INTS6: variants seen among roughly 807,000 people sequenced by gnomAD.
INTS6 encodes the protein DEAD box protein.
In INTS6, 16 loss-of-function variants were observed where a neutral mutation model predicts 104.9. The ratio of observed to expected loss-of-function variants is 0.15; its 90% CI spans 0.10 to 0.23. INTS6 has a LOEUF of 0.23. Ranked by LOEUF, INTS6 falls within the 10% of genes least tolerant of loss-of-function variation. The pLI, the probability that INTS6 is intolerant of heterozygous loss-of-function variation, is 1.00. For synonymous variants in INTS6, 324 were observed against 358.7 expected, an observed-to-expected ratio of 0.90 and a Z score of 1.09; for missense variants, 584 against 1,062.8, an observed-to-expected ratio of 0.55 and a Z score of 6.26.
At chr13:51,385,983 C>G (rs572234503) in intron 7 of INTS6, among the ~76,000 whole-genome samples, 10 of 152,252 alleles carry the variant, frequency 6.6e-5, no homozygotes, top group Admixed American at 5.2e-4. Context: ...TGTTTAAAAG[C>G]TAATATTCCT....
chr13:51,348,158 G>A, the INTS6 span: 2 of 1,395,310 alleles, frequency 1.4e-6, no homozygotes, highest in South Asian at 1.3e-5. Flanking sequence ...TCCGACACTG[G>A]TTCATTCTCC....
At chr13:51,385,542 C>A (rs1258459047) in intron 7 of INTS6, among the ~76,000 whole-genome samples, 3 of 152,058 alleles carry the variant, frequency 2.0e-5, no homozygotes, top group Non-Finnish European at 4.4e-5. Flanking sequence ...TTGTTTAATT[C>A]CCAAAACAAC....
At chr13:51,383,235 T>C (rs1956085281) in intron 9 of INTS6, 94 bp downstream of exon 9, 4 of 1,056,230 alleles carry the variant, frequency 3.8e-6, no homozygotes, top group Admixed American at 2.6e-5. Flanking sequence ...AATATTTTCA[T>C]TGATTTCCAG....
the INTS6 span, chr13:51,348,463 G>A: frequency 1.6e-5 from 24 of 1,509,670 alleles, no homozygotes; most frequent in Admixed American, 3.4e-5. Context: ...AGTCAGAAGA[G>A]CGTGGATTTG....
At chr13:51,388,867 A>C (rs939374960) in intron 6 of INTS6, among the ~76,000 whole-genome samples, 5 of 147,806 alleles carry the variant, frequency 3.4e-5, no homozygotes, top group African/African-American at 1.3e-4. Context: ...ATCAAGCTTA[A>C]TGGCAAAGCC....
At position 51,374,459 on chromosome 13, in the gene INTS6, A is replaced by C. The variant is rs1000277607; in HGVS notation, c.1873-20T>G. The C allele has an allele frequency of 2.5e-6, 4 of 1,603,062 alleles. No individual in the cohort carries two copies. The highest frequency in any genetic ancestry group is 2.7e-5 in the African/African-American group (2 of 74,618). On this transcript the variant is annotated intron_variant, in intron 14 of 17. Coordinates refer to ENST00000311234, the MANE Select transcript of INTS6 (RefSeq NM_012141.3). The stretch of plus-strand genomic sequence containing the variant: ...CATACCCTTTAGCAAAAAAGAATAC[A>C]ACTTTCTTGAATTTACAAACAATGT...
At chr13:51,411,947 T>C (rs563665652) in intron 4 of INTS6, among the ~76,000 whole-genome samples, 215 of 152,330 alleles carry the variant, frequency 1.4e-3, no homozygotes, top group Middle Eastern at 0.014. Flanking sequence ...AACTGTAGTA[T>C]AGCCATACAA....
chr13:51,418,877 TAC>T (rs1272776135), intron 4 of INTS6, among the ~76,000 whole-genome samples: 2 of 152,216 alleles, frequency 1.3e-5, no homozygotes, highest in Admixed American at 6.5e-5. Flanking sequence ...TTAGTAAATT[TAC>T]AGAGTTGTAC....
chr13:51,366,972 C>T (rs1205817214), intron 17 of INTS6, among the ~76,000 whole-genome samples: 2 of 151,972 alleles, frequency 1.3e-5, no homozygotes, highest in African/African-American at 4.8e-5. Flanking sequence ...GTTAATTGCA[C>T]TTCTTAATTA....
intron 4 of INTS6, among the ~76,000 whole-genome samples, chr13:51,409,769 T>C (rs1458583549): frequency 6.6e-6 from 1 of 152,032 alleles, no homozygotes; most frequent in Non-Finnish European, 1.5e-5. Context: ...CACCAGTACA[T>C]TGAAGCAAGA....
At position 51,382,034 on chromosome 13, in the gene INTS6, G is replaced by T. The variant is rs1356154269; in HGVS notation, c.1270C>A (p.Leu424Ile). 1 of 1,603,396 alleles carries T rather than the reference G, an allele frequency of 6.2e-7. No individual in the cohort carries two copies. The highest frequency in any genetic ancestry group is 1.7e-5 in the Admixed American group (1 of 59,714). ...CTTTTAAATAATATTCTTACCCCAA[G>T]ATAGTAGGGAGGCATTGTCTTCAAA... ...SYLKTMPPYY[L>I]GPLKKAVRMM... Residue 424 changes from leucine (L) to isoleucine (I), a missense_variant, in exon 10 of 18, where the codon CTT (leucine) becomes ATT (isoleucine). By Grantham distance (5) the Leu-to-Ile change is conservative. Around this residue, in one of 5 missense-constraint regions of INTS6, gnomAD observed 144 missense variants for 348.7 expected, o/e 0.41. Coordinates refer to ENST00000311234, the MANE Select transcript of INTS6 (RefSeq NM_012141.3).
intron 4 of INTS6, among the ~76,000 whole-genome samples, chr13:51,399,091 A>G (rs1043321992): frequency 9.9e-5 from 15 of 152,148 alleles, no homozygotes; most frequent in African/African-American, 3.4e-4. Context: ...AAAATGGAGT[A>G]TTGTCTCTTT....
intron 9 of INTS6, among the ~76,000 whole-genome samples, chr13:51,382,548 A>G (rs1258039748): frequency 6.6e-6 from 1 of 152,228 alleles, no homozygotes; most frequent in Admixed American, 6.5e-5. Flanking sequence ...TGTACCCAGA[A>G]ACTAACTTTA....
rs1212581184 is a variant in INTS6, at chr13:51,374,637, G to C, written c.1872+17C>G. On this transcript the variant is annotated intron_variant, in intron 14 of 17. Coordinates refer to ENST00000311234, the MANE Select transcript of INTS6 (RefSeq NM_012141.3). ...CCTACCATAAACAAATTACATAATAGAACATTTCAAAATTACCTTCTTATC... is the reference window on the plus strand; with the variant it reads ...CCTACCATAAACAAATTACATAATACAACATTTCAAAATTACCTTCTTATC... The C allele has an allele frequency of 6.2e-7, 1 of 1,612,038 alleles. No homozygotes were observed. Among genetic ancestry groups the C allele is most frequent in the Non-Finnish European group, 8.5e-7 (1 of 1,179,480 alleles).
In INTS6 at chr13:51,430,166, G is replaced by T. The variant is rs1593754683; in HGVS notation, c.429+128C>A. On this transcript the variant is annotated intron_variant, in intron 4 of 17. Coordinates refer to ENST00000311234, the MANE Select transcript of INTS6 (RefSeq NM_012141.3). The stretch of plus-strand genomic sequence containing the variant: ...TGCTACAAACAAAGATGGGCCATAG[G>T]AGACAGATGACTCTAAATTGCATCA... The T allele has an allele frequency of 7.0e-6, 5 of 715,332 alleles. No individual in the cohort carries two copies. The East Asian group carries it at 1.0e-4, about 15-fold the overall frequency. The allele number at this position is 715,332 out of a possible 1,614,324, so 44.3% of individuals were successfully genotyped here.
At chr13:51,406,406 G>A (rs1402355144) in intron 4 of INTS6, among the ~76,000 whole-genome samples, 5 of 120,486 alleles carry the variant, frequency 4.1e-5, no homozygotes, top group Non-Finnish European at 6.7e-5. Context: ...TCAGTAAAAT[G>A]GCATCATTTA....
intron 3 of INTS6, among the ~76,000 whole-genome samples, chr13:51,355,916 C>T (rs7996243): frequency 0.17 from 26,337 of 152,088 alleles, 2,542 homozygotes; most frequent in South Asian, 0.34. Flanking sequence ...TTGGCCTTGA[C>T]ATTTCCCTTA....
intron 4 of INTS6, among the ~76,000 whole-genome samples, chr13:51,409,640 T>C (rs1236157416): frequency 6.6e-6 from 1 of 151,694 alleles, no homozygotes; most frequent in Non-Finnish European, 1.5e-5. Context: ...TCATAGGTAG[T>C]ATTTTTTTTA....
chr13:51,356,360 G>A (rs1299545957), intron 3 of INTS6, among the ~76,000 whole-genome samples: 10 of 151,956 alleles, frequency 6.6e-5, no homozygotes, highest in Non-Finnish European at 2.9e-5. Flanking sequence ...AAGATTGGAG[G>A]GCAAGGAAAG....
Sources: allele counts gnomAD v4.1 joint callset (sites outside exome capture counted in the v4.1 genomes callset), GRCh38; gene constraint gnomAD v4.1.1; regional missense constraint gnomAD v4.1.1; transcripts MANE v1.5; gene names NCBI Gene and HGNC (gene_info 2026-07-23, HGNC 2026-07-21).